Variants in STT3A observed in about 807,000 individuals in gnomAD.
STT3A encodes dolichyl-diphosphooligosaccharide--protein glycosyltransferase subunit STT3A.
In STT3A, 34 loss-of-function variants were observed where a neutral mutation model predicts 89.2. That is an observed-to-expected ratio of 0.38 (90% CI 0.29 to 0.51). STT3A has a LOEUF of 0.51. Among genes scored for constraint, STT3A ranks in the 20% least tolerant of loss-of-function variants. The pLI, the probability that STT3A is intolerant of heterozygous loss-of-function variation, is 0.89. For synonymous variants in STT3A, 282 were observed against 310.3 expected (o/e 0.91, Z 0.96); for missense variants, 555 against 889.5 (o/e 0.62, Z 4.78).
chr11:125,600,686 T>C (rs181711424), intron 3 of STT3A, among the ~76,000 whole-genome samples: 2 of 152,346 alleles, frequency 1.3e-5, no homozygotes, highest in Admixed American at 1.3e-4. Flanking sequence ...AATAAGAAAC[T>C]TAAGGACTTA....
chr11:125,599,171 T>G (rs140552786), intron 3 of STT3A, among the ~76,000 whole-genome samples: 39 of 152,296 alleles, frequency 2.6e-4, no homozygotes, highest in African/African-American at 8.9e-4. Context: ...GACACAATTC[T>G]GACACATACT....
intron 3 of STT3A, among the ~76,000 whole-genome samples, chr11:125,601,863 A>G (rs910741454): frequency 1.3e-5 from 2 of 151,720 alleles, no homozygotes; most frequent in Non-Finnish European, 2.9e-5. Context: ...TGCAGTGGCA[A>G]TCTCGGCTCA....
chr11:125,617,144 C>T (rs1405922013), intron 15 of STT3A, among the ~76,000 whole-genome samples: 2 of 152,128 alleles, frequency 1.3e-5, no homozygotes, highest in African/African-American at 4.8e-5. Flanking sequence ...GTCTCTGTGC[C>T]TCAGTTTCTC....
intron 1 of STT3A, 22 bp from the exon 2 acceptor site, chr11:125,595,858 TG>T: frequency 1.8e-6 from 2 of 1,088,914 alleles, no homozygotes; most frequent in Non-Finnish European, 2.8e-6. Flanking sequence ...CAATATCTTG[TG>T]GTCTTGACTT....
At chr11:125,602,979 G>A (rs769883417) in intron 5 of STT3A, 31 bp downstream of exon 5, 1 of 1,612,912 alleles carries the variant, frequency 6.2e-7, no homozygotes, top group Non-Finnish European at 8.5e-7. Flanking sequence ...GGAGGCTTGG[G>A]AATGAATGTT....
In STT3A at chr11:125,613,072, C is replaced by T. The variant is rs1157342644; in HGVS notation, c.1449C>T (p.Tyr483=). 6.2e-7 allele frequency: 1 copy of T among 1,614,056 alleles called. No homozygotes were observed. The highest frequency in any genetic ancestry group is 1.3e-5 in the African/African-American group (1 of 74,930). ...CAACCTGGGTGACCAGTGAGGCCTA[C>T]TCTTCTCCGTCCATTGTACTATCTG... is the stretch of plus-strand genomic sequence containing the variant. ...FHSTWVTSEA[Y]SSPSIVLSAR... Residue 483 remains tyrosine (Y), a synonymous_variant, in exon 13 of 18, where the codon TAC becomes TAT. Coordinates refer to ENST00000392708, the MANE Select transcript of STT3A (RefSeq NM_152713.5). This position sits in a 1 kb window ranked among gnomAD's most constrained non-coding sequence, Gnocchi z 4.2.
At chr11:125,607,919 G>A (rs1393987233) in intron 8 of STT3A, among the ~76,000 whole-genome samples, 190 bp from the exon 9 acceptor site, 1 of 152,310 alleles carries the variant, frequency 6.6e-6, no homozygotes, top group South Asian at 2.1e-4. Context: ...TTATGCTTTA[G>A]GGGGCTGCAA....
In STT3A at chr11:125,595,757, C is replaced by T. The variant is rs10082593; in HGVS notation, c.-35-124C>T. 5,515 of 608,318 alleles carry T rather than the reference C, an allele frequency of 9.1e-3. 170 individuals carry two copies. Among genetic ancestry groups the T allele is most frequent in the African/African-American group, 0.077 (4,113 of 53,574 alleles). 37.7% of individuals were successfully genotyped at this position (608,318 alleles called of 1,614,324 possible). A position where few individuals can be genotyped will look rare whatever the true frequency, so the allele number is the denominator to read the frequency against. ...GCCAGGCTTGGATACTAGTATTAGC[C>T]TTGACCCTGTCTGGTGTTTTTGCTA... On this transcript the variant is annotated intron_variant, in intron 1 of 17. Transcript: ENST00000392708.
Position 125,604,947 on chromosome 11 carries a change from C to A in STT3A, c.509-682C>A, listed in dbSNP as rs1328555211. On this transcript the variant is annotated intron_variant, in intron 6 of 17. Coordinates refer to ENST00000392708, the MANE Select transcript of STT3A (RefSeq NM_152713.5). Reference sequence around the variant, plus strand: ...GGCAACCCTGTCACTATAAGAAATACAAAAATTAGCTGGGCATGGTAGTGT... The same window carrying A: ...GGCAACCCTGTCACTATAAGAAATAAAAAAATTAGCTGGGCATGGTAGTGT... 2.6e-5 allele frequency among the ~76,000 whole-genome samples: 4 copies of A among 151,976 alleles called. No individual in the cohort carries two copies. The South Asian group carries it at 6.2e-4, about 24-fold the overall frequency.
chr11:125,594,506 G>A (rs1352875718), intron 1 of STT3A, among the ~76,000 whole-genome samples: 4 of 151,072 alleles, frequency 2.6e-5, no homozygotes, highest in African/African-American at 7.3e-5. Flanking sequence ...CTTGAACCCA[G>A]GAGGTGGATG....
rs370788494 is a variant in STT3A, at chr11:125,602,337, G to A, written c.184G>A (p.Glu62Lys). Residue 62 changes from glutamate to lysine, a missense_variant, in exon 4 of 18, where the codon GAG becomes AAG. Physicochemically the swap from Glu to Lys is moderately conservative, Grantham distance 56 (BLOSUM62 1). Coordinates refer to ENST00000392708, the MANE Select transcript of STT3A (RefSeq NM_152713.5). ...TTATCGGACTACCAGGTTCCTGGCT[G>A]AGGAGGGGTTTTATAAATTCCATAA... ...FNYRTTRFLAEEGFYKFHNWF... is the reference protein window; with the variant it reads ...FNYRTTRFLAKEGFYKFHNWF... 183 of 1,613,798 alleles carry A rather than the reference G, an allele frequency of 1.1e-4. No homozygotes were observed. The highest frequency in any genetic ancestry group is 1.7e-4 in the Admixed American group (10 of 59,956).
At chr11:125,604,341 G>T in intron 6 of STT3A, 94 bp downstream of exon 6, 1 of 1,232,512 alleles carries the variant, frequency 8.1e-7, no homozygotes, top group Non-Finnish European at 1.2e-6. Context: ...TAATAAAAAT[G>T]GTAACTGGGT....
In STT3A at chr11:125,618,496, T is replaced by A; in HGVS notation, c.1898T>A (p.Val633Glu). 6.2e-7 allele frequency: 1 copy of A among 1,614,110 alleles called. No homozygotes were observed. Among genetic ancestry groups the A allele is most frequent in the Non-Finnish European group, 8.5e-7 (1 of 1,180,016 alleles). Residue 633 changes from valine (V) to glutamate (E), a missense_variant, in exon 16 of 18, where the codon GTG becomes GAG. By Grantham distance (121) the Val-to-Glu change is moderately radical. This residue lies in a region of STT3A where 273 missense variants were observed against 449.8 expected (regional missense o/e 0.61). Coordinates refer to ENST00000392708, the MANE Select transcript of STT3A (RefSeq NM_152713.5). ...CGTGTGGACCGTGAAGGTTCTCCAG[T>A]GCTGCTCAACTGCCTCATGTACAAG... ...EFRVDREGSP[V>E]LLNCLMYKMC...
chr11:125,595,963 A>T lies in STT3A; in HGVS notation c.48A>T (p.Thr16=), dbSNP rs754016522. 4 of 1,613,980 alleles carry T rather than the reference A, an allele frequency of 2.5e-6. No homozygotes were observed. In the African/African-American group the frequency reaches 4.0e-5, roughly 16 times the overall value. ...GATTGTCCTATGAGAAGCAGGACAC[A>T]CTTTTGAAGCTTCTCATTCTGTCAA... ...FLRLSYEKQD[T]LLKLLILSMA... The change falls in exon 2 of 18, where the codon ACA becomes ACT. Residue 16 remains threonine, a synonymous_variant. Transcript: ENST00000392708.
At chr11:125,604,561 G>T (rs12282789) in intron 6 of STT3A, among the ~76,000 whole-genome samples, 16,120 of 152,194 alleles carry the variant, frequency 0.11, 1,243 homozygotes, top group African/African-American at 0.22. Context: ...TTTAATGACT[G>T]ATTGACTTAT....
intron 9 of STT3A, 56 bp downstream of exon 9, chr11:125,608,345 G>C: frequency 1.3e-6 from 2 of 1,518,800 alleles, no homozygotes; most frequent in Middle Eastern, 2.3e-4. Context: ...ATGGAGTTTC[G>C]CTCTTGTTGC....
At chr11:125,598,253 C>T (rs1051294658) in intron 3 of STT3A, among the ~76,000 whole-genome samples, 2 of 151,964 alleles carry the variant, frequency 1.3e-5, no homozygotes, top group African/African-American at 2.4e-5. Context: ...GAGACTCAGG[C>T]TGGGAGTGGT....
chr11:125,600,507 G>A (rs553702287), intron 3 of STT3A, among the ~76,000 whole-genome samples: 10 of 151,708 alleles, frequency 6.6e-5, no homozygotes, highest in South Asian at 2.1e-4. Flanking sequence ...GACTACAGGC[G>A]TGTGCCACTA....
At position 125,618,358 on chromosome 11, in the gene STT3A, T is replaced by C; in HGVS notation, c.1775-15T>C. 1 of 1,571,988 alleles carries C rather than the reference T, an allele frequency of 6.4e-7. No individual in the cohort carries two copies. The highest frequency in any genetic ancestry group is 8.6e-7 in the Non-Finnish European group (1 of 1,163,950). On this transcript the variant is annotated splice_polypyrimidine_tract_variant and intron_variant, in intron 15 of 17. Transcript: ENST00000392708. Reference sequence around the variant, plus strand: ...CTTTTGTGATGCAGCAGTTCTTTTTTTTTTTTTCTCCTAGATATCAACAAG... The same window carrying C: ...CTTTTGTGATGCAGCAGTTCTTTTTCTTTTTTTCTCCTAGATATCAACAAG...
Sources: allele counts gnomAD v4.1 joint callset (sites outside exome capture counted in the v4.1 genomes callset), GRCh38; gene constraint gnomAD v4.1.1; regional missense constraint gnomAD v4.1.1; non-coding constraint Gnocchi (gnomAD v3.1); transcripts MANE v1.5; gene names NCBI Gene and HGNC (gene_info 2026-07-23, HGNC 2026-07-21).